Variants in SLC1A1 observed in about 807,000 individuals in gnomAD.
SLC1A1 encodes excitatory amino acid transporter 3.
SLC1A1 carries 43 observed loss-of-function variants against 53.3 expected under a neutral mutation model. That is an observed-to-expected ratio of 0.81 (90% CI 0.63 to 1.04). The LOEUF is 1.04. Ranked by LOEUF, SLC1A1 falls within the 50% of genes least tolerant of loss-of-function variation. The pLI is 0.00. For synonymous variants in SLC1A1, 307 were observed against 243.2 expected, an observed-to-expected ratio of 1.26 and a Z score of -2.44; for missense variants, 748 against 664.9, an observed-to-expected ratio of 1.12 and a Z score of -1.37.
chr9:4,543,746 T>C (rs970239662), intron 1 of SLC1A1, among the ~76,000 whole-genome samples: 5 of 152,170 alleles, frequency 3.3e-5, no homozygotes, highest in Admixed American at 1.3e-4. Flanking sequence ...TTTGATAATA[T>C]GGTAAATAAA....
intron 1 of SLC1A1, among the ~76,000 whole-genome samples, chr9:4,510,000 A>AT (rs1182051023): frequency 2.0e-5 from 3 of 152,044 alleles, no homozygotes; most frequent in African/African-American, 4.8e-5. Flanking sequence ...TGCCTGGCTA[A>AT]TTTTTTCATT....
intron 1 of SLC1A1, among the ~76,000 whole-genome samples, chr9:4,525,017 C>T (rs1816209812): frequency 1.3e-5 from 2 of 152,114 alleles, no homozygotes; most frequent in South Asian, 4.1e-4. Context: ...TGAGGACAAA[C>T]CAACCATAGC....
intron 1 of SLC1A1, among the ~76,000 whole-genome samples, chr9:4,530,206 T>C (rs1354373715): frequency 3.3e-5 from 5 of 152,256 alleles, no homozygotes; most frequent in African/African-American, 1.2e-4. Flanking sequence ...TTCTTCCCTT[T>C]CTCTCAATTT....
At chr9:4,493,815 G>T (rs558780907) in intron 1 of SLC1A1, among the ~76,000 whole-genome samples, 101 of 152,320 alleles carry the variant, frequency 6.6e-4, no homozygotes, top group African/African-American at 2.2e-3. Context: ...TGAAATATTT[G>T]ATTATAGAAA....
chr9:4,538,029 TAATAC>T (rs1363386708), intron 1 of SLC1A1, among the ~76,000 whole-genome samples: 1 of 152,202 alleles, frequency 6.6e-6, no homozygotes, highest in African/African-American at 2.4e-5. Context: ...TTATAAGAGA[TAATAC>T]AAAAGACAAT....
chr9:4,494,160 T>C (rs1299688619), intron 1 of SLC1A1, among the ~76,000 whole-genome samples: 2 of 152,170 alleles, frequency 1.3e-5, no homozygotes, highest in Non-Finnish European at 2.9e-5. Flanking sequence ...TCTGCTTCCA[T>C]AGAATGGTAG....
chr9:4,503,134 A>T (rs1820690977), intron 1 of SLC1A1, among the ~76,000 whole-genome samples: 1 of 151,764 alleles, frequency 6.6e-6, no homozygotes, highest in Middle Eastern at 3.2e-3. Flanking sequence ...TTATATGCAT[A>T]AATTATCACC....
At chr9:4,536,573 G>A (rs550492384) in intron 1 of SLC1A1, among the ~76,000 whole-genome samples, 19 of 152,158 alleles carry the variant, frequency 1.2e-4, no homozygotes, top group Non-Finnish European at 1.5e-5. Context: ...GGAGAAACAG[G>A]AACACTTTTA....
At chr9:4,511,467 A>G (rs936523136) in intron 1 of SLC1A1, among the ~76,000 whole-genome samples, 1 of 152,074 alleles carries the variant, frequency 6.6e-6, no homozygotes, top group African/African-American at 2.4e-5. Flanking sequence ...ATTGATGATT[A>G]GGTTTCAAAA....
chr9:4,581,392 T>A (rs1821084548), intron 10 of SLC1A1, among the ~76,000 whole-genome samples: 1 of 152,230 alleles, frequency 6.6e-6, no homozygotes, highest in African/African-American at 2.4e-5. Flanking sequence ...TTTTCTCCCA[T>A]CTGAAGGTTC....
intron 1 of SLC1A1, among the ~76,000 whole-genome samples, chr9:4,497,918 C>G (rs1405688075): frequency 2.6e-5 from 4 of 152,114 alleles, no homozygotes; most frequent in African/African-American, 9.7e-5. Context: ...TCTATTCATG[C>G]ATCTATTACC....
chr9:4,532,518 G>C (rs1478863824), intron 1 of SLC1A1, among the ~76,000 whole-genome samples: 3 of 152,058 alleles, frequency 2.0e-5, no homozygotes, highest in Admixed American at 6.5e-5. Context: ...AGAGAAAAAA[G>C]AATAAAAAGA....
intron 1 of SLC1A1, among the ~76,000 whole-genome samples, chr9:4,514,937 G>A (rs949684349): frequency 2.0e-5 from 3 of 151,964 alleles, no homozygotes; most frequent in African/African-American, 7.3e-5. Context: ...CAGTGTAAAG[G>A]CCATCACTCA....
chr9:4,506,648 C>G (rs1027602290), intron 1 of SLC1A1, among the ~76,000 whole-genome samples: 2 of 152,066 alleles, frequency 1.3e-5, no homozygotes, highest in African/African-American at 4.8e-5. Context: ...TTTTTAACCT[C>G]AAGTCAGTAA....
chr9:4,510,717 T>C (rs1820972943), intron 1 of SLC1A1, among the ~76,000 whole-genome samples: 1 of 152,220 alleles, frequency 6.6e-6, no homozygotes, highest in African/African-American at 2.4e-5. Context: ...TGATCCCTAT[T>C]AGTTCAAACA....
intron 1 of SLC1A1, among the ~76,000 whole-genome samples, chr9:4,505,164 A>T (rs1820762200): frequency 6.8e-6 from 1 of 147,244 alleles, no homozygotes; most frequent in African/African-American, 2.5e-5. Flanking sequence ...CTCCTGCCTC[A>T]GCCTCCCAAG....
chr9:4,563,860 C>T (rs1026972142), intron 3 of SLC1A1, among the ~76,000 whole-genome samples: 1 of 152,110 alleles, frequency 6.6e-6, no homozygotes, highest in Non-Finnish European at 1.5e-5. Flanking sequence ...TACTTGAAGA[C>T]CTACGGTATG....
chr9:4,566,067 T>C lies in SLC1A1; in HGVS notation c.461T>C (p.Leu154Pro). The C allele has an allele frequency of 6.2e-7, 1 of 1,613,590 alleles. No individual in the cohort carries two copies. The highest frequency in any genetic ancestry group is 8.5e-7 in the Non-Finnish European group (1 of 1,179,526). ...DLIRNMFPEN[L>P]VQACFQQYKT... ...AACAGGAATATGTTCCCTGAGAATCTTGTCCAGGCCTGTTTTCAGCAGGTA... is the reference window on the plus strand; with the variant it reads ...AACAGGAATATGTTCCCTGAGAATCCTGTCCAGGCCTGTTTTCAGCAGGTA... Residue 154 changes from leucine to proline, a missense_variant, in exon 5 of 12, where the codon CTT becomes CCT. By Grantham distance (98) the Leu-to-Pro change is moderately conservative. Coordinates refer to ENST00000262352, the MANE Select transcript of SLC1A1 (RefSeq NM_004170.6).
At chr9:4,575,941 G>T in intron 8 of SLC1A1, 60 bp from the exon 9 acceptor site, 1 of 1,587,886 alleles carries the variant, frequency 6.3e-7, no homozygotes, top group South Asian at 1.1e-5. Context: ...TTGATAAAAG[G>T]ATTAAGTGTG....
Sources: gnomAD v4.1 joint callset for allele counts (sites outside exome capture counted in the v4.1 genomes callset) on GRCh38, gnomAD v4.1.1 for gene constraint, MANE v1.5 for transcripts, NCBI Gene and HGNC (gene_info 2026-07-23, HGNC 2026-07-21) for gene names.